NLGN1: variants seen among roughly 807,000 people sequenced by gnomAD.
NLGN1 encodes the protein neuroligin-1.
In NLGN1, 12 loss-of-function variants were observed where a neutral mutation model predicts 65.5. The observed-to-expected ratio is 0.18, with a 90% CI of 0.12 to 0.30. NLGN1 has a LOEUF of 0.30. Among genes scored for constraint, NLGN1 ranks in the 10% least tolerant of loss-of-function variants. NLGN1 has a pLI of 1.00. For missense variants in NLGN1, 750 were observed against 1,007.1 expected, an observed-to-expected ratio of 0.74 and a Z score of 3.46; for synonymous variants, 350 against 359.5, an observed-to-expected ratio of 0.97 and a Z score of 0.30.
At chr3:173,666,716 T>G (rs1045968048) in intron 3 of NLGN1, among the ~76,000 whole-genome samples, 1 of 152,174 alleles carries the variant, frequency 6.6e-6, no homozygotes, top group South Asian at 2.1e-4. Context: ...CAGTGAAAAG[T>G]TTTTTAAAAG....
At chr3:173,530,899 A>C (rs1736458536) in intron 2 of NLGN1, among the ~76,000 whole-genome samples, 1 of 152,068 alleles carries the variant, frequency 6.6e-6, no homozygotes, top group African/African-American at 2.4e-5. Context: ...TCATTTTTTA[A>C]AATGAGTTTT....
chr3:174,104,857 G>C (rs1018494384), intron 4 of NLGN1, among the ~76,000 whole-genome samples: 1 of 152,050 alleles, frequency 6.6e-6, no homozygotes, highest in Non-Finnish European at 1.5e-5. Context: ...CAGGAATTTA[G>C]GGTGAGATTA....
chr3:174,233,447 T>G (rs1741106060), intron 4 of NLGN1, among the ~76,000 whole-genome samples: 1 of 151,630 alleles, frequency 6.6e-6, no homozygotes, highest in Non-Finnish European at 1.5e-5. Flanking sequence ...GATCACGCCA[T>G]TGCACTCCAG....
intron 4 of NLGN1, among the ~76,000 whole-genome samples, chr3:174,139,320 T>A (rs1721866167): frequency 6.6e-6 from 1 of 152,164 alleles, no homozygotes; most frequent in African/African-American, 2.4e-5. Flanking sequence ...ACTGTCTCCG[T>A]AGTTTGGGGA....
At chr3:174,197,751 C>CGT (rs71162378) in intron 4 of NLGN1, among the ~76,000 whole-genome samples, 25,251 of 141,640 alleles carry the variant, frequency 0.18, 2,385 homozygotes, top group East Asian at 0.48. Context: ...CCCATTATCT[C>CGT]GTGTGTGTGT....
intron 2 of NLGN1, among the ~76,000 whole-genome samples, chr3:173,493,999 A>G (rs1041717459): frequency 5.3e-5 from 8 of 151,890 alleles, no homozygotes; most frequent in African/African-American, 1.5e-4. Flanking sequence ...AATGGTTGAT[A>G]GTTCTCTAAA....
At chr3:173,636,305 A>T (rs1051262463) in intron 3 of NLGN1, among the ~76,000 whole-genome samples, 1 of 152,156 alleles carries the variant, frequency 6.6e-6, no homozygotes, top group Admixed American at 6.6e-5. Context: ...AAGGAAAAAA[A>T]AAAGCAATGT....
chr3:173,442,371 G>A (rs1394403262), intron 2 of NLGN1, among the ~76,000 whole-genome samples: 1 of 152,042 alleles, frequency 6.6e-6, no homozygotes, highest in African/African-American at 2.4e-5. Flanking sequence ...TATCAAACAA[G>A]TTTTTCATTA....
intron 3 of NLGN1, among the ~76,000 whole-genome samples, chr3:173,668,177 G>A (rs1263560844): frequency 2.6e-5 from 4 of 152,100 alleles, no homozygotes; most frequent in African/African-American, 9.7e-5. Context: ...TCAGAAAATA[G>A]GCAGTGATCA....
intron 2 of NLGN1, among the ~76,000 whole-genome samples, chr3:173,570,401 G>C (rs1411731247): frequency 6.6e-6 from 1 of 152,182 alleles, no homozygotes; most frequent in Non-Finnish European, 1.5e-5. Context: ...GGCCAGCTTG[G>C]AGGTGGTAGC....
intron 2 of NLGN1, among the ~76,000 whole-genome samples, chr3:173,534,476 T>TC (rs1226911087): frequency 6.6e-6 from 1 of 152,074 alleles, no homozygotes; most frequent in African/African-American, 2.4e-5. Flanking sequence ...CTGTCTCTCT[T>TC]CCCCCCATGG....
chr3:173,487,043 A>C (rs1258173356), intron 2 of NLGN1, among the ~76,000 whole-genome samples: 2 of 151,788 alleles, frequency 1.3e-5, no homozygotes, highest in Non-Finnish European at 2.9e-5. Context: ...AAATAGAAGA[A>C]GCTTCTTTCT....
At chr3:174,055,935 GT>G (rs886491549) in intron 4 of NLGN1, among the ~76,000 whole-genome samples, 1 of 151,536 alleles carries the variant, frequency 6.6e-6, no homozygotes, top group Non-Finnish European at 1.5e-5. Context: ...TTACAAGTAG[GT>G]TATAGCCCAT....
rs915224647 is a variant in NLGN1, at chr3:173,964,456, C to T, written c.646+156624C>T. Among the ~76,000 whole-genome samples, 6 of 152,070 alleles carry T rather than the reference C, an allele frequency of 3.9e-5. No homozygotes were observed. In the East Asian group the frequency reaches 7.7e-4, roughly 20 times the overall value. ...AACTACATAGGGACAGAGGCAAGAC[C>T]GGGATTTTGTTCTGATTTGTAATTC... On this transcript the variant is annotated intron_variant, in intron 4 of 6. Coordinates refer to ENST00000457714, the Ensembl canonical transcript of NLGN1.
intron 4 of NLGN1, among the ~76,000 whole-genome samples, chr3:174,229,981 C>G (rs961559373): frequency 6.6e-6 from 1 of 152,136 alleles, no homozygotes; most frequent in Non-Finnish European, 1.5e-5. Context: ...CTAGAGAAAT[C>G]CTTACATTCC....
intron 3 of NLGN1, among the ~76,000 whole-genome samples, chr3:173,799,270 G>A (rs1714878213): frequency 6.6e-6 from 1 of 151,744 alleles, no homozygotes; most frequent in South Asian, 2.1e-4. Context: ...AAATGGTTGT[G>A]GAAACAAAAA....
intron 4 of NLGN1, among the ~76,000 whole-genome samples, chr3:174,217,943 C>A (rs1737935166): frequency 6.6e-6 from 1 of 151,984 alleles, no homozygotes; most frequent in Non-Finnish European, 1.5e-5. Context: ...ATAAGTTTGC[C>A]TGAGCCAGAA....
At chr3:173,733,234 C>T (rs940927322) in intron 3 of NLGN1, among the ~76,000 whole-genome samples, 1 of 152,032 alleles carries the variant, frequency 6.6e-6, no homozygotes, top group African/African-American at 2.4e-5. Flanking sequence ...GCAGGTGGTG[C>T]TTGAGTTATA....
At chr3:173,740,940 A>G (rs1774543260) in intron 3 of NLGN1, among the ~76,000 whole-genome samples, 1 of 152,192 alleles carries the variant, frequency 6.6e-6, no homozygotes, top group South Asian at 2.1e-4. Context: ...TTCTGTGACA[A>G]TTTCAAAGCC....
Sources: gnomAD v4.1 joint callset for allele counts (sites outside exome capture counted in the v4.1 genomes callset) on GRCh38, gnomAD v4.1.1 for gene constraint, MANE v1.5 for transcripts, NCBI Gene and HGNC (gene_info 2026-07-23, HGNC 2026-07-21) for gene names.